KRT73: variants seen among roughly 807,000 people sequenced by gnomAD.
KRT73 encodes keratin, type II cytoskeletal 73.
In KRT73, 44 loss-of-function variants were observed where a neutral mutation model predicts 47.2. The ratio of observed to expected loss-of-function variants is 0.93; its 90% CI spans 0.73 to 1.20. The LOEUF (loss-of-function observed/expected upper bound fraction) is 1.20. KRT73 is among the 50% of genes most tolerant of loss of function. The probability of loss-of-function intolerance (pLI) is 0.00; values close to 1 mark genes in which losing one functional copy is unlikely to be tolerated. For synonymous variants in KRT73, 285 were observed against 291.3 expected (o/e 0.98, Z 0.22); for missense variants, 713 against 704.5 (o/e 1.01, Z -0.14).
At position 52,616,171 on chromosome 12, in the gene KRT73, C is replaced by G; in HGVS notation, c.657G>C (p.Lys219Asn). The G allele has an allele frequency of 6.2e-7, 1 of 1,614,080 alleles. No individual in the cohort carries two copies. Among genetic ancestry groups the G allele is most frequent in the Non-Finnish European group, 8.5e-7 (1 of 1,179,948 alleles). The change falls in exon 2 of 9, where the codon AAG (lysine) becomes AAC (asparagine). Residue 219 changes from lysine (K) to asparagine (N), a missense_variant. Physicochemically the swap from Lys to Asn is moderately conservative, Grantham distance 94. Coordinates refer to ENST00000305748, the MANE Select transcript of KRT73 (RefSeq NM_175068.3). Reference protein sequence around the residue: ...RSVREVVEDYKKRYEEEINKR... With the variant: ...RSVREVVEDYNKRYEEEINKR... ...TGGAGTGGCGTCCTGCTCACCTCTT[C>G]TTGTAGTCCTCCACCACTTCGCGCA...
chr12:52,629,061 C>T, the KRT73 span, among the ~76,000 whole-genome samples: 4 of 152,156 alleles, frequency 2.6e-5, no homozygotes, highest in Non-Finnish European at 5.9e-5. Context: ...TCTGGACCCT[C>T]CAGCTGGCCC....
chr12:52,611,504 C>A (rs1264500568), intron 5 of KRT73, 175 bp from the exon 6 acceptor site: 1 of 681,882 alleles, frequency 1.5e-6, no homozygotes, highest in African/African-American at 1.8e-5. Flanking sequence ...ATTTGCTTGC[C>A]TTAAGCACAG....
intron 5 of KRT73, 97 bp from the exon 6 acceptor site, chr12:52,611,426 A>G: frequency 6.9e-7 from 1 of 1,448,538 alleles, no homozygotes; most frequent in Non-Finnish European, 9.4e-7. Context: ...AGCCTGGCAG[A>G]GGTGGGTCCA....
At chr12:52,614,706 C>T (rs1463627464) in intron 3 of KRT73, 32 bp from the exon 4 acceptor site, 2 of 1,584,034 alleles carry the variant, frequency 1.3e-6, no homozygotes, top group Non-Finnish European at 1.7e-6. Flanking sequence ...CTGACCTCAC[C>T]TTTCTTCAAG....
rs768590191 is a variant in KRT73 at position 52,614,601 on chromosome 12, A to G, written c.797T>C (p.Phe266Ser). ...TACCCCCTCGTACAGACACTTGAAG[A>G]ACTTGATTTCTCCATCCAGGGCATC... Reference protein sequence around the residue: ...KVDALDGEIKFFKCLYEGETA... With the variant: ...KVDALDGEIKSFKCLYEGETA... Residue 266 changes from phenylalanine (F) to serine (S), a missense_variant, in exon 4 of 9, where the codon TTC becomes TCC. Phe to Ser is a radical substitution (Grantham distance 155). Coordinates refer to ENST00000305748, the MANE Select transcript of KRT73 (RefSeq NM_175068.3). 15 of 1,613,958 alleles carry G rather than the reference A, an allele frequency of 9.3e-6. No individual in the cohort carries two copies. Among genetic ancestry groups the G allele is most frequent in the East Asian group, 2.2e-5 (1 of 44,864 alleles).
chr12:52,618,647 GT>G, upstream of KRT73: 1 of 1,043,292 alleles, frequency 9.6e-7, no homozygotes, highest in Non-Finnish European at 1.4e-6. Context: ...TAATTTGTGG[GT>G]TCAGTTTGCC....
intron 4 of KRT73, 65 bp from the exon 5 acceptor site, chr12:52,613,917 C>A (rs1940758303): frequency 2.5e-6 from 4 of 1,579,252 alleles, no homozygotes; most frequent in Non-Finnish European, 2.6e-6. Flanking sequence ...AAGGTGATGG[C>A]CCTGTCCCAG....
upstream of KRT73, among the ~76,000 whole-genome samples, chr12:52,618,913 T>C (rs1275151242): frequency 2.0e-5 from 3 of 152,194 alleles, no homozygotes; most frequent in African/African-American, 7.2e-5. Flanking sequence ...TAATTGACAG[T>C]GTCATCTGTT....
chr12:52,628,177 C>T, the KRT73 span, among the ~76,000 whole-genome samples: 24,683 of 152,022 alleles, frequency 0.16, 2,352 homozygotes, highest in East Asian at 0.47. Context: ...GCAGGTCACA[C>T]TGGACATCAT....
the KRT73 span, among the ~76,000 whole-genome samples, chr12:52,627,184 T>C: frequency 2.6e-5 from 4 of 152,338 alleles, no homozygotes; most frequent in African/African-American, 9.6e-5. Context: ...GAAATCTTCA[T>C]CAAGGAAGTC....
At chr12:52,611,856 C>T (rs1940709863) in intron 5 of KRT73, among the ~76,000 whole-genome samples, 3 of 152,138 alleles carry the variant, frequency 2.0e-5, no homozygotes, top group Admixed American at 6.5e-5. Flanking sequence ...CCAACTTAAC[C>T]AGTGCAGAGT....
chr12:52,610,529 G>GGGGGGGGGGGGCCCCCCCCCCCC, intron 7 of KRT73, 86 bp downstream of exon 7: 1 of 295,156 alleles, frequency 3.4e-6, no homozygotes, highest in Non-Finnish European at 6.8e-6. Flanking sequence ...CCAGCTCGCC[G>GGGGGGGGGGGGCCCCCCCCCCCC]CCCCCTCCCC....
rs931083640 is a variant in KRT73 at position 52,610,404 on chromosome 12, C to A, written c.1331+211G>T. 5 of 591,784 alleles carry A rather than the reference C, an allele frequency of 8.4e-6. No homozygotes were observed. The Admixed American group carries it at 1.4e-4, about 16-fold the overall frequency. 36.7% of individuals were successfully genotyped at this position (591,784 alleles called of 1,614,324 possible). ...CTGAGAGGTGTTAAAGACACAACAG[C>A]ACCCAGCTAAGACTTTCTCCAAAGA... On this transcript the variant is annotated intron_variant, in intron 7 of 8. Coordinates refer to ENST00000305748, the MANE Select transcript of KRT73 (RefSeq NM_175068.3).
At chr12:52,620,433 T>C (rs1401193246), upstream of KRT73, among the ~76,000 whole-genome samples, 1 of 152,154 alleles carries the variant, frequency 6.6e-6, no homozygotes, top group Non-Finnish European at 1.5e-5. Flanking sequence ...TAAGTTTCTT[T>C]GTAAGGCACA....
Position 52,610,848 on chromosome 12 carries a change from G to A in KRT73, c.1111-13C>T, listed in dbSNP as rs1390460815. On this transcript the variant is annotated splice_polypyrimidine_tract_variant and intron_variant, in intron 6 of 8. Coordinates refer to ENST00000305748, the MANE Select transcript of KRT73 (RefSeq NM_175068.3). Reference sequence around the variant, plus strand: ...CCAGGTTGGCACACTGGGGTCAGGAGGTAGCATTTCTCCCTGAGTTCCTCC... The same window carrying A: ...CCAGGTTGGCACACTGGGGTCAGGAAGTAGCATTTCTCCCTGAGTTCCTCC... 1.2e-6 allele frequency: 2 copies of A among 1,604,154 alleles called. No individual in the cohort carries two copies. The highest frequency in any genetic ancestry group is 4.5e-5 in the East Asian group (2 of 44,806).
chr12:52,621,311 AAGAG>A (rs1028030597), upstream of KRT73, among the ~76,000 whole-genome samples: 1 of 150,068 alleles, frequency 6.7e-6, no homozygotes, highest in South Asian at 2.2e-4. Flanking sequence ...GGGAGAGAGA[AAGAG>A]AGAGAGAGAC....
chr12:52,620,503 C>T (rs1940889428), upstream of KRT73, among the ~76,000 whole-genome samples: 1 of 152,160 alleles, frequency 6.6e-6, no homozygotes, highest in Non-Finnish European at 1.5e-5. Context: ...CAGAATCACT[C>T]CCTAATTGGC....
At chr12:52,629,027 A>C in the KRT73 span, among the ~76,000 whole-genome samples, 1 of 152,168 alleles carries the variant, frequency 6.6e-6, no homozygotes, top group Non-Finnish European at 1.5e-5. Context: ...CAGGACCAGC[A>C]TGTGCAGGAT....
chr12:52,629,961 C>T, the KRT73 span, among the ~76,000 whole-genome samples: 2,654 of 152,288 alleles, frequency 0.017, 71 homozygotes, highest in African/African-American at 0.062. Flanking sequence ...ATGCCTTCCA[C>T]CCTTTCCAAG....
Sources: gnomAD v4.1 joint callset for allele counts (sites outside exome capture counted in the v4.1 genomes callset) on GRCh38, gnomAD v4.1.1 for gene constraint, MANE v1.5 for transcripts, NCBI Gene and HGNC (gene_info 2026-07-23, HGNC 2026-07-21) for gene names.